CSPP1: variants seen among roughly 807,000 people sequenced by gnomAD.
CSPP1 encodes the protein centrosome and spindle pole associated protein 1.
In CSPP1, 126 loss-of-function variants were observed where a neutral mutation model predicts 164.4. That is an observed-to-expected ratio of 0.77 (90% CI 0.66 to 0.89). The LOEUF (loss-of-function observed/expected upper bound fraction) is 0.89, where lower values mean the gene tolerates loss of function less well. CSPP1 is among the 40% of genes least tolerant of loss of function. The pLI, the probability that CSPP1 is intolerant of heterozygous loss-of-function variation, is 0.00. For missense variants in CSPP1, 1,395 were observed against 1,449.8 expected, an observed-to-expected ratio of 0.96 and a Z score of 0.61; for synonymous variants, 472 against 476.7, an observed-to-expected ratio of 0.99 and a Z score of 0.13.
rs368957422 is a variant in CSPP1 at position 67,192,964 on chromosome 8, C to T, written c.3331-500C>T. On this transcript the variant is annotated intron_variant, in intron 29 of 30. Coordinates refer to ENST00000678616, the MANE Select transcript of CSPP1 (RefSeq NM_001382391.1). ...TCTCAAGCTTTATCCTGACTGGCAG[C>T]ATTTCTGTCATCACAAATGTTACTC... is the stretch of plus-strand genomic sequence containing the variant. 2.0e-5 allele frequency among the ~76,000 whole-genome samples: 3 copies of T among 152,320 alleles called. No homozygotes were observed. The East Asian group carries it at 5.8e-4, about 29-fold the overall frequency.
intron 13 of CSPP1, among the ~76,000 whole-genome samples, chr8:67,117,223 T>A (rs1438216931): frequency 2.0e-5 from 3 of 152,236 alleles, no homozygotes; most frequent in Admixed American, 1.3e-4. Flanking sequence ...AACAGTTATT[T>A]GACATTTTTG....
At chr8:67,165,077 G>T (rs1416260544) in intron 24 of CSPP1, among the ~76,000 whole-genome samples, 1 of 152,212 alleles carries the variant, frequency 6.6e-6, no homozygotes, top group Non-Finnish European at 1.5e-5. Flanking sequence ...GAGGTCAGGA[G>T]ATCGAGACCA....
rs777220691 is a variant in CSPP1 at position 67,074,228 on chromosome 8, A to C, written c.-10-15A>C. On this transcript the variant is annotated splice_polypyrimidine_tract_variant and intron_variant, in intron 1 of 30. Transcript: ENST00000678616. ...ACTGTGATATAGATACGCTCACTGA[A>C]ATTTTTTTTTAAAGAATCTGCAAAA... The C allele has an allele frequency of 3.2e-6, 5 of 1,538,766 alleles. No individual in the cohort carries two copies. Among genetic ancestry groups the C allele is most frequent in the Non-Finnish European group, 4.5e-6 (5 of 1,116,542 alleles).
rs746724587 is a variant in CSPP1 at position 67,149,802 on chromosome 8, C to T, written c.1995C>T (p.His665=). The T allele has an allele frequency of 1.8e-5, 29 of 1,582,156 alleles. No individual in the cohort carries two copies. In the African/African-American group the frequency reaches 3.4e-4, roughly 19 times the overall value. The stretch of plus-strand genomic sequence containing the variant: ...TCTCAGCTGATTTGAATAGGATGCA[C>T]AGACAAAATATAGATGCCTACCATA... ...GNLITDLNRM[H]RQNIDAYHNP... Residue 665 remains histidine, a synonymous_variant, in exon 18 of 31, where the codon CAC becomes CAT. Transcript: ENST00000678616.
At chr8:67,150,043 T>C (rs1439453816) in intron 18 of CSPP1, 108 bp downstream of exon 18, 7 of 1,180,744 alleles carry the variant, frequency 5.9e-6, no homozygotes, top group Non-Finnish European at 7.9e-6. Context: ...AGAATTTGGC[T>C]ATCCTGATAC....
chr8:67,193,129 C>CT (rs995747695), intron 29 of CSPP1, among the ~76,000 whole-genome samples: 51 of 151,372 alleles, frequency 3.4e-4, no homozygotes, highest in East Asian at 1.6e-3. Flanking sequence ...TGGTTTTTTT[C>CT]TTTTTTTTTG....
intron 17 of CSPP1, among the ~76,000 whole-genome samples, chr8:67,142,308 C>G (rs1823667118): frequency 6.6e-6 from 1 of 152,136 alleles, no homozygotes. Flanking sequence ...TTAAAAACCA[C>G]TTTGAAAAAT....
intron 15 of CSPP1, among the ~76,000 whole-genome samples, chr8:67,130,776 C>A (rs1466616805): frequency 2.0e-5 from 3 of 150,226 alleles, no homozygotes; most frequent in Admixed American, 2.0e-4. Flanking sequence ...TCACTTGAGG[C>A]CAGGAGTTAG....
chr8:67,084,306 A>G (rs1809928044), intron 3 of CSPP1: 1 of 152,206 alleles, frequency 6.6e-6, no homozygotes, highest in Non-Finnish European at 1.5e-5. Flanking sequence ...TAGGCCAGAA[A>G]TGTTTATCAA....
chr8:67,130,143 A>G (rs945128201), intron 15 of CSPP1, among the ~76,000 whole-genome samples: 11 of 152,100 alleles, frequency 7.2e-5, no homozygotes, highest in African/African-American at 2.7e-4. Flanking sequence ...ACTTGAGTAT[A>G]CTCTGATTTT....
intron 17 of CSPP1, among the ~76,000 whole-genome samples, chr8:67,139,527 T>C (rs907542633): frequency 6.6e-6 from 1 of 152,196 alleles, no homozygotes; most frequent in Non-Finnish European, 1.5e-5. Flanking sequence ...CATGCTGCTA[T>C]AAAGACACAT....
chr8:67,122,659 C>G (rs144566198), intron 15 of CSPP1, among the ~76,000 whole-genome samples: 1 of 152,198 alleles, frequency 6.6e-6, no homozygotes, highest in African/African-American at 2.4e-5. Context: ...CTAACATGGT[C>G]TGTCCTAGAG....
intron 22 of CSPP1, among the ~76,000 whole-genome samples, chr8:67,162,719 G>T (rs1356784251): frequency 6.6e-6 from 1 of 152,172 alleles, no homozygotes; most frequent in African/African-American, 2.4e-5. Context: ...CCAGATGTGA[G>T]ACTGAGGACC....
intron 3 of CSPP1, among the ~76,000 whole-genome samples, chr8:67,085,587 C>G (rs1810226255): frequency 1.3e-5 from 2 of 151,920 alleles, no homozygotes; most frequent in Admixed American, 6.5e-5. Flanking sequence ...ATTAGTTTTT[C>G]TTTAATTTTG....
chr8:67,138,967 T>A (rs1221841712), intron 17 of CSPP1, among the ~76,000 whole-genome samples: 1 of 151,964 alleles, frequency 6.6e-6, no homozygotes, highest in South Asian at 2.1e-4. Flanking sequence ...TAATTTTTGT[T>A]TAAGGTGTAA....
intron 1 of CSPP1, among the ~76,000 whole-genome samples, chr8:67,071,469 C>T (rs1806770601): frequency 6.6e-6 from 1 of 151,844 alleles, no homozygotes; most frequent in South Asian, 2.1e-4. Context: ...TTTTCCCTCC[C>T]TGTGCTCATT....
intron 9 of CSPP1, 46 bp from the exon 10 acceptor site, chr8:67,111,926 C>CGATG (rs774252829): frequency 1.7e-6 from 2 of 1,183,906 alleles, no homozygotes; most frequent in Admixed American, 4.3e-5. Flanking sequence ...TAATTGCATA[C>CGATG]GATGCTTAAG....
At chr8:67,161,708 ACTT>A (rs1467352053) in intron 21 of CSPP1, 100 bp from the exon 22 acceptor site, 10 of 607,824 alleles carry the variant, frequency 1.6e-5, no homozygotes, top group Non-Finnish European at 2.9e-6. Flanking sequence ...AACAATCTAA[ACTT>A]CTTAGATGAC....
At chr8:67,124,752 G>T (rs1050643000) in intron 15 of CSPP1, among the ~76,000 whole-genome samples, 1 of 152,134 alleles carries the variant, frequency 6.6e-6, no homozygotes, top group African/African-American at 2.4e-5. Flanking sequence ...TATGATCATA[G>T]CTCACTGCAG....
Sources: allele counts gnomAD v4.1 joint callset (sites outside exome capture counted in the v4.1 genomes callset), GRCh38; gene constraint gnomAD v4.1.1; transcripts MANE v1.5; gene names NCBI Gene and HGNC (gene_info 2026-07-23, HGNC 2026-07-21).